The following FLAD1 variants were observed in gnomAD, a reference collection of about 807,000 sequenced individuals.
The protein encoded by FLAD1 is flavin adenine dinucleotide synthetase 1.
In FLAD1, 35 loss-of-function variants were observed where a neutral mutation model predicts 55.0. The ratio of observed to expected loss-of-function variants is 0.64; its 90% CI spans 0.49 to 0.84. The LOEUF (loss-of-function observed/expected upper bound fraction) is 0.84, where lower values mean the gene tolerates loss of function less well. Ranked by LOEUF, FLAD1 falls within the 40% of genes least tolerant of loss-of-function variation. The pLI, the probability that FLAD1 is intolerant of heterozygous loss-of-function variation, is 0.00. For missense variants in FLAD1, 665 were observed against 742.6 expected (o/e 0.90, Z 1.21); for synonymous variants, 267 against 303.0 (o/e 0.88, Z 1.23).
intron 2 of FLAD1, 22 bp from the exon 3 acceptor site, chr1:154,989,538 C>A: frequency 6.5e-7 from 1 of 1,542,000 alleles, no homozygotes; most frequent in Non-Finnish European, 8.7e-7. Flanking sequence ...ATCTGATGCC[C>A]TCTTCCCTGC....
chr1:154,989,818 G>A, intron 3 of FLAD1, 111 bp downstream of exon 3: 1 of 1,211,086 alleles, frequency 8.3e-7, no homozygotes, highest in Non-Finnish European at 1.1e-6. Context: ...AGATAGTCAT[G>A]GTGACCTCTC....
chr1:154,988,803 C>T lies in FLAD1; in HGVS notation c.1071C>T (p.Asn357=), dbSNP rs371405282. 2.7e-5 allele frequency: 44 copies of T among 1,614,206 alleles called. No individual in the cohort carries two copies. The highest frequency in any genetic ancestry group is 1.9e-4 in the African/African-American group (14 of 75,048). The part of the protein sequence containing the change: ...PQGSLVPYMP[N]AVEQASEAVY... ...GATCGCTGGTCCCCTACATGCCCAA[C>T]GCTGTGGAGCAGGCCAGTGAGGCTG... The change falls in exon 2 of 7, where the codon AAC becomes AAT. Residue 357 remains asparagine (N), a synonymous_variant. Coordinates refer to ENST00000292180, the MANE Select transcript of FLAD1 (RefSeq NM_025207.5).
rs767501116 is a variant in FLAD1 at position 154,990,269 on chromosome 1, C to A, written c.1364+12C>A. 2 of 1,613,772 alleles carry A rather than the reference C, an allele frequency of 1.2e-6. No homozygotes were observed. The highest frequency in any genetic ancestry group is 1.7e-5 in the Admixed American group (1 of 60,022). ...GACACTATCAAGAGGTACTAGGGGC[C>A]TGGAGGTTTGGGCTCCAAGAGAAGC... On this transcript the variant is annotated intron_variant, in intron 4 of 6. Coordinates refer to ENST00000292180, the MANE Select transcript of FLAD1 (RefSeq NM_025207.5).
Position 154,990,481 on chromosome 1 carries a change from C to A in FLAD1, c.1507C>A (p.Pro503Thr). 1 of 1,613,478 alleles carries A rather than the reference C, an allele frequency of 6.2e-7. No individual in the cohort carries two copies. Among genetic ancestry groups the A allele is most frequent in the Non-Finnish European group, 8.5e-7 (1 of 1,179,672 alleles). Reference protein sequence around the residue: ...PYSCSLCPFSPTDPGWPAFMR... With the variant: ...PYSCSLCPFSTTDPGWPAFMR... ...CTCCTGTAGCCTCTGCCCTTTCAGC[C>A]CCACTGACCCAGGCTGGCCCGCATT... The change falls in exon 5 of 7, where the codon CCC (proline) becomes ACC (threonine). Residue 503 changes from proline to threonine, a missense_variant. By Grantham distance (38) the Pro-to-Thr change is conservative. Transcript: ENST00000292180.
chr1:154,986,390 G>T (rs1267175498), intron 1 of FLAD1, among the ~76,000 whole-genome samples: 1 of 152,038 alleles, frequency 6.6e-6, no homozygotes, highest in Non-Finnish European at 1.5e-5. Flanking sequence ...CTAATTTTTT[G>T]TATTTTTAGT....
At chr1:154,992,858 C>T in intron 6 of FLAD1, 44 bp from the exon 7 acceptor site, 3 of 1,613,770 alleles carry the variant, frequency 1.9e-6, no homozygotes, top group African/African-American at 1.3e-5. Context: ...CCAATAGGAT[C>T]GCCCACCCTA....
In FLAD1 at chr1:154,983,806, C is replaced by G. The variant is rs917706772; in HGVS notation, c.112C>G (p.Pro38Ala). 4.3e-6 allele frequency: 7 copies of G among 1,614,066 alleles called. No individual in the cohort carries two copies. The highest frequency in any genetic ancestry group is 4.0e-5 in the African/African-American group (3 of 74,924). Reference protein sequence around the residue: ...RVFLEGSTRTPALPHCLFWLL... With the variant: ...RVFLEGSTRTAALPHCLFWLL... ...CTTCCTCGAAGGAAGCACGCGCACG[C>G]CTGCTCTCCCCCATTGTCTTTTCTG... Residue 38 changes from proline to alanine, a missense_variant, in exon 1 of 7, where the codon CCT becomes GCT. By Grantham distance (27) the Pro-to-Ala change is conservative. Coordinates refer to ENST00000292180, the MANE Select transcript of FLAD1 (RefSeq NM_025207.5).
chr1:154,986,195 C>T (rs542771236), intron 1 of FLAD1, among the ~76,000 whole-genome samples: 2 of 152,256 alleles, frequency 1.3e-5, no homozygotes, highest in Admixed American at 6.5e-5. Flanking sequence ...CCCGCCACCA[C>T]GCCTGGCTAA....
At chr1:154,992,646 C>CA in intron 5 of FLAD1, 67 bp from the exon 6 acceptor site, 1 of 1,614,144 alleles carries the variant, frequency 6.2e-7, no homozygotes, top group Non-Finnish European at 8.5e-7. Context: ...GGCCCCTTCC[C>CA]AGGACAGCAG....
chr1:154,990,041 A>G lies in FLAD1; in HGVS notation c.1266-118A>G, dbSNP rs376663621. On this transcript the variant is annotated intron_variant, in intron 3 of 6. Transcript: ENST00000292180. ...GTGGGTCTAATGGATGGAAAGGACA[A>G]GGAAAAGGGAGAAGGGGTGAGAGTC... The G allele has an allele frequency of 1.7e-5, 15 of 869,680 alleles. No homozygotes were observed. The East Asian group carries it at 3.2e-4, about 18-fold the overall frequency. 53.9% of individuals were successfully genotyped at this position (869,680 alleles called of 1,614,324 possible).
At chr1:154,987,855 C>A in intron 1 of FLAD1, 1 of 1,169,842 alleles carries the variant, frequency 8.5e-7, no homozygotes, top group Non-Finnish European at 1.2e-6. Context: ...GCCCTTGAAG[C>A]CAGGAGGTTG....
chr1:154,987,124 C>T (rs1234503203), intron 1 of FLAD1, among the ~76,000 whole-genome samples: 3 of 151,762 alleles, frequency 2.0e-5, no homozygotes, highest in Non-Finnish European at 4.4e-5. Flanking sequence ...GCCTCCCAGG[C>T]TCAAGCAGCC....
At chr1:154,985,813 C>T (rs1277401342) in intron 1 of FLAD1, among the ~76,000 whole-genome samples, 3 of 150,786 alleles carry the variant, frequency 2.0e-5, no homozygotes, top group Non-Finnish European at 4.4e-5. Context: ...GTAACCTCCG[C>T]CTCCTGGGTT....
chr1:154,992,738 A>T lies in FLAD1; in HGVS notation c.1580A>T (p.Asp527Val). 1.2e-6 allele frequency: 2 copies of T among 1,614,056 alleles called. No homozygotes were observed. The highest frequency in any genetic ancestry group is 1.7e-6 in the Non-Finnish European group (2 of 1,180,016). Residue 527 changes from aspartate (D) to valine (V), a missense_variant, in exon 6 of 7, where the codon GAT becomes GTT. By Grantham distance (152) the Asp-to-Val change is radical (BLOSUM62 -3). Coordinates refer to ENST00000292180, the MANE Select transcript of FLAD1 (RefSeq NM_025207.5). Reference sequence around the variant, plus strand: ...GACTGGACCTACAGAGACATCTGGGATTTTCTGCGTCAGCTGTTTGTCCCA... The same window carrying T: ...GACTGGACCTACAGAGACATCTGGGTTTTTCTGCGTCAGCTGTTTGTCCCA... ...LLDWTYRDIW[D>V]FLRQLFVPYC...
chr1:154,989,100 A>G (rs1657751037), intron 2 of FLAD1: 1 of 880,996 alleles, frequency 1.1e-6, no homozygotes, highest in Non-Finnish European at 1.7e-6. Flanking sequence ...TTTAACAAAA[A>G]AAGATGGACA....
At chr1:154,986,457 A>G (rs1045677014) in intron 1 of FLAD1, among the ~76,000 whole-genome samples, 12 of 152,186 alleles carry the variant, frequency 7.9e-5, no homozygotes, top group Admixed American at 7.2e-4. Flanking sequence ...TTAAGTGCCT[A>G]CTAGAGTCTG....
chr1:154,983,886 G>A lies in FLAD1; in HGVS notation c.192G>A (p.Gln64=), dbSNP rs1657440752. The change falls in exon 1 of 7, where the codon CAG becomes CAA. Residue 64 remains glutamine, a synonymous_variant. Coordinates refer to ENST00000292180, the MANE Select transcript of FLAD1 (RefSeq NM_025207.5). The part of the protein sequence containing the change: ...QDPLFPGYGP[Q]CPVDLAGPPC... ...CCCTGTTCCCAGGCTATGGCCCCCAGTGCCCTGTAGACCTGGCAGGCCCCC... is the reference window on the plus strand; with the variant it reads ...CCCTGTTCCCAGGCTATGGCCCCCAATGCCCTGTAGACCTGGCAGGCCCCC... The A allele has an allele frequency of 1.2e-6, 2 of 1,613,888 alleles. No homozygotes were observed. The highest frequency in any genetic ancestry group is 1.7e-5 in the Admixed American group (1 of 59,984).
chr1:154,990,236 T>C lies in FLAD1; in HGVS notation c.1343T>C (p.Phe448Ser). Residue 448 changes from phenylalanine to serine, a missense_variant, in exon 4 of 7, where the codon TTT (phenylalanine) becomes TCT (serine). Coordinates refer to ENST00000292180, the MANE Select transcript of FLAD1 (RefSeq NM_025207.5). Reference protein sequence around the residue: ...SISPFPELEQFLQDTIKRYNL... With the variant: ...SISPFPELEQSLQDTIKRYNL... ...TCCCCTTTCCCTGAGCTGGAACAGT[T>C]TCTACAGGACACTATCAAGAGGTAC... The C allele has an allele frequency of 1.2e-6, 2 of 1,614,148 alleles. No individual in the cohort carries two copies. The highest frequency in any genetic ancestry group is 2.2e-5 in the South Asian group (2 of 91,084).
intron 4 of FLAD1, 30 bp from the exon 5 acceptor site, chr1:154,990,309 G>C: frequency 6.2e-7 from 1 of 1,613,492 alleles, no homozygotes; most frequent in Non-Finnish European, 8.5e-7. Flanking sequence ...CAGAGCCCAC[G>C]CCCGACCCCT....
Sources: gnomAD v4.1 joint callset for allele counts (sites outside exome capture counted in the v4.1 genomes callset) on GRCh38, gnomAD v4.1.1 for gene constraint, MANE v1.5 for transcripts, NCBI Gene and HGNC (gene_info 2026-07-23, HGNC 2026-07-21) for gene names.